Variants in MASP1 observed in about 807,000 individuals in gnomAD.
MASP1 encodes the protein mannan-binding lectin serine protease 1.
A neutral mutation model predicts 77.1 loss-of-function variants in MASP1; 59 were observed. The ratio of observed to expected loss-of-function variants is 0.77; its 90% CI spans 0.62 to 0.95. The LOEUF is 0.95. Ranked by LOEUF, MASP1 falls within the 40% of genes least tolerant of loss-of-function variation. The probability of loss-of-function intolerance (pLI) is 0.00; values close to 1 mark genes in which losing one functional copy is unlikely to be tolerated. For missense variants in MASP1, 885 were observed against 912.9 expected (o/e 0.97, Z 0.39); for synonymous variants, 362 against 354.5 (o/e 1.02, Z -0.24).
At chr3:187,260,656 A>G in intron 4 of MASP1, 85 bp downstream of exon 4, 1 of 1,573,098 alleles carries the variant, frequency 6.4e-7, no homozygotes. Flanking sequence ...TTCCTATTGC[A>G]TATCTGTCTT....
At chr3:187,219,873 T>C in exon 16 of MASP1, 1 of 628,258 alleles carries the variant, frequency 1.6e-6, no homozygotes, top group South Asian at 1.8e-5. Context: ...ATTCGGCCTG[T>C]GTTCTGACCA....
chr3:187,262,627 C>T lies in MASP1; in HGVS notation c.331G>A (p.Gly111Ser). 1 of 1,614,106 alleles carries T rather than the reference C, an allele frequency of 6.2e-7. No homozygotes were observed. The highest frequency in any genetic ancestry group is 8.5e-7 in the Non-Finnish European group (1 of 1,180,012). ...CGGAAAGTGATGGACATGAAGGAGC[C>T]AGGGGAGAGGACCACCTCCTGGCCG... ...TPGQEVVLSP[G>S]SFMSITFRSD... The change falls in exon 3 of 11, where the codon GGC becomes AGC. Residue 111 changes from glycine (G) to serine (S), a missense_variant. By Grantham distance (56) the Gly-to-Ser change is moderately conservative (BLOSUM62 0). Transcript: ENST00000296280.
intron 8 of MASP1, among the ~76,000 whole-genome samples, chr3:187,246,054 T>G (rs1426766935): frequency 1.3e-5 from 2 of 152,190 alleles, no homozygotes; most frequent in Admixed American, 1.3e-4. Context: ...TCCTTCAGTG[T>G]GCTCCCCTGC....
chr3:187,260,722 A>C lies in MASP1; in HGVS notation c.547+19T>G, dbSNP rs781576689. Reference sequence around the variant, plus strand: ...TGTGGCCTATAAGGGCAATGCATACAATCATTGGTAGGCTCTACCTCGGCA... The same window carrying C: ...TGTGGCCTATAAGGGCAATGCATACCATCATTGGTAGGCTCTACCTCGGCA... On this transcript the variant is annotated intron_variant, in intron 4 of 10. Transcript: ENST00000296280. 2 of 1,614,158 alleles carry C rather than the reference A, an allele frequency of 1.2e-6. No homozygotes were observed. The highest frequency in any genetic ancestry group is 1.7e-6 in the Non-Finnish European group (2 of 1,180,018).
rs769119273 is a variant in MASP1, at chr3:187,235,648, G to T, written c.*36C>A. ...GCTGTCGGAAGTGCGGTGTAGCTTC[G>T]CTCAGGGGAGGCAGGCCCCGAGGAA... On this transcript the variant is annotated 3_prime_UTR_variant, in exon 11 of 11. Coordinates refer to ENST00000296280, the MANE Select transcript of MASP1 (RefSeq NM_139125.4). The T allele has an allele frequency of 1.3e-5, 21 of 1,612,326 alleles. No individual in the cohort carries two copies. In the African/African-American group the frequency reaches 2.4e-4, roughly 18 times the overall value.
chr3:187,239,981 T>C (rs557715517), intron 10 of MASP1, among the ~76,000 whole-genome samples: 1 of 152,206 alleles, frequency 6.6e-6, no homozygotes, highest in South Asian at 2.1e-4. Context: ...AGCCTTTCCA[T>C]TTTAGTGTCT....
intron 9 of MASP1, 117 bp downstream of exon 9, chr3:187,243,367 C>T: frequency 9.6e-7 from 1 of 1,043,744 alleles, no homozygotes; most frequent in East Asian, 2.4e-5. Context: ...TTTGCATTAT[C>T]AGGCTCTACA....
Position 187,234,202 on chromosome 3 carries a change from C to T in MASP1, c.*1482G>A. 2 of 1,287,248 alleles carry T rather than the reference C, an allele frequency of 1.6e-6. No individual in the cohort carries two copies. Among genetic ancestry groups the T allele is most frequent in the Non-Finnish European group, 2.0e-6 (2 of 988,688 alleles). The allele number at this position is 1,287,248 out of a possible 1,614,324, so 79.7% of individuals were successfully genotyped here. On this transcript the variant is annotated 3_prime_UTR_variant, in exon 11 of 11. Transcript: ENST00000296280. ...AAGATACAAAATATAACATCATTTA[C>T]ATGTGCCATTCATAGACAAAGGAGT...
chr3:187,281,412 C>T (rs1255544739), intron 2 of MASP1, among the ~76,000 whole-genome samples: 1 of 152,188 alleles, frequency 6.6e-6, no homozygotes, highest in East Asian at 1.9e-4. Flanking sequence ...TTTCTTAAAC[C>T]TACTCCTATG....
chr3:187,269,752 A>G (rs997930524), intron 2 of MASP1, among the ~76,000 whole-genome samples: 1 of 152,126 alleles, frequency 6.6e-6, no homozygotes, highest in Admixed American at 6.5e-5. Context: ...TGGAAATTCT[A>G]TTGTGGTTAT....
intron 2 of MASP1, among the ~76,000 whole-genome samples, chr3:187,271,803 C>T (rs1425858752): frequency 6.6e-6 from 1 of 152,158 alleles, no homozygotes; most frequent in Non-Finnish European, 1.5e-5. Flanking sequence ...AGTGCAGGGT[C>T]ATTCATCTGC....
chr3:187,276,577 C>T (rs997067014), intron 2 of MASP1: 1 of 152,296 alleles, frequency 6.6e-6, no homozygotes, highest in African/African-American at 2.4e-5. Context: ...CTGGGACCTT[C>T]CCAGCTCACA....
At chr3:187,246,037 C>A (rs1176447076) in intron 8 of MASP1, among the ~76,000 whole-genome samples, 1 of 152,212 alleles carries the variant, frequency 6.6e-6, no homozygotes, top group Non-Finnish European at 1.5e-5. Context: ...ACCCTCCGAA[C>A]ACCAGCTCCT....
At chr3:187,240,658 G>GTATA (rs1713561583) in intron 10 of MASP1, among the ~76,000 whole-genome samples, 1 of 152,140 alleles carries the variant, frequency 6.6e-6, no homozygotes, top group Non-Finnish European at 1.5e-5. Flanking sequence ...TCAAGACAGA[G>GTATA]TCTAGCTCTG....
exon 16 of MASP1, chr3:187,217,505 T>C (rs1298872743): frequency 6.6e-6 from 1 of 152,256 alleles, no homozygotes; most frequent in East Asian, 1.9e-4. Flanking sequence ...ATTTTCTTAC[T>C]TATTTTTTTA....
chr3:187,220,590 TG>T (rs2108497274), intron 15 of MASP1, among the ~76,000 whole-genome samples: 1 of 146,470 alleles, frequency 6.8e-6, no homozygotes, highest in African/African-American at 2.5e-5. Context: ...CTCTACCTCC[TG>T]GGTTCAAGTG....
At position 187,234,581 on chromosome 3, in the gene MASP1, C is replaced by T. The variant is rs755727872; in HGVS notation, c.*1103G>A. 7.8e-7 allele frequency: 1 copy of T among 1,287,238 alleles called. No individual in the cohort carries two copies. Among genetic ancestry groups the T allele is most frequent in the South Asian group, 1.2e-5 (1 of 80,936 alleles). The allele number at this position is 1,287,238 out of a possible 1,614,324, so 79.7% of individuals were successfully genotyped here. A position where few individuals can be genotyped will look rare whatever the true frequency, so the allele number is the denominator to read the frequency against. ...CCTGCCATGGGTGAGCCTCTGATTCCTTTGACTCTGAAAAATGAAGGAGTG... is the reference window on the plus strand; with the variant it reads ...CCTGCCATGGGTGAGCCTCTGATTCTTTTGACTCTGAAAAATGAAGGAGTG... On this transcript the variant is annotated 3_prime_UTR_variant, in exon 11 of 11. Coordinates refer to ENST00000296280, the MANE Select transcript of MASP1 (RefSeq NM_139125.4).
rs111702337 is a variant in MASP1, at chr3:187,235,457, C to T, written c.*227G>A. 1.8e-5 allele frequency: 27 copies of T among 1,515,890 alleles called. No homozygotes were observed. Among genetic ancestry groups the T allele is most frequent in the Middle Eastern group, 2.3e-4 (1 of 4,312 alleles). The allele number at this position is 1,515,890 out of a possible 1,614,324, so 93.9% of individuals were successfully genotyped here. On this transcript the variant is annotated 3_prime_UTR_variant, in exon 11 of 11. Coordinates refer to ENST00000296280, the MANE Select transcript of MASP1 (RefSeq NM_139125.4). ...ATTACTCGGTAGAGTGAGGCCCAGA[C>T]AGGGAAAGAGACTTGGACAAGCTCA... is the stretch of plus-strand genomic sequence containing the variant.
In MASP1 at chr3:187,236,161, C is replaced by A; in HGVS notation, c.1710G>T (p.Met570Ile). 6 of 1,613,988 alleles carry A rather than the reference C, an allele frequency of 3.7e-6. No homozygotes were observed. Among genetic ancestry groups the A allele is most frequent in the Non-Finnish European group, 5.1e-6 (6 of 1,180,030 alleles). ...QEPVPLGPHVMPVCLPRLEPE... is the reference protein window; with the variant it reads ...QEPVPLGPHVIPVCLPRLEPE... ...GCTCAAGCCTTGGCAGGCAGACAGG[C>A]ATAACGTGGGGTCCCAGGGGCACAG... Residue 570 changes from methionine to isoleucine, a missense_variant, in exon 11 of 11, where the codon ATG becomes ATT. By Grantham distance (10) the Met-to-Ile change is conservative (BLOSUM62 1). Coordinates refer to ENST00000296280, the MANE Select transcript of MASP1 (RefSeq NM_139125.4).
Sources: gnomAD v4.1 joint callset for allele counts (sites outside exome capture counted in the v4.1 genomes callset) on GRCh38, gnomAD v4.1.1 for gene constraint, MANE v1.5 for transcripts, NCBI Gene and HGNC (gene_info 2026-07-23, HGNC 2026-07-21) for gene names.